The following SCEL variants were observed in gnomAD, a reference collection of about 807,000 sequenced individuals.
SCEL encodes sciellin.
Under a neutral mutation model 117.6 loss-of-function variants are expected in SCEL, and 113 were observed. That is an observed-to-expected ratio of 0.96 (90% CI 0.83 to 1.12). The LOEUF (loss-of-function observed/expected upper bound fraction) is 1.12. Among genes scored for constraint, SCEL ranks in the 50% most tolerant of loss-of-function variants. SCEL has a pLI of 0.00. For missense variants in SCEL, 785 were observed against 810.8 expected (o/e 0.97, Z 0.39); for synonymous variants, 270 against 256.2 (o/e 1.05, Z -0.51).
At chr13:77,623,910 G>T (rs113583452) in intron 27 of SCEL, among the ~76,000 whole-genome samples, 5 of 152,230 alleles carry the variant, frequency 3.3e-5, no homozygotes, top group African/African-American at 9.6e-5. Context: ...TGTTAGGGCT[G>T]CATAACAAAC....
chr13:77,566,385 G>T (rs2085290696), intron 5 of SCEL, among the ~76,000 whole-genome samples: 1 of 152,086 alleles, frequency 6.6e-6, no homozygotes, highest in Non-Finnish European at 1.5e-5. Flanking sequence ...CAAATGACCA[G>T]CAAGAAGTAC....
Position 77,589,135 on chromosome 13 carries a change from G to T in SCEL, c.546-9G>T. On this transcript the variant is annotated splice_polypyrimidine_tract_variant and intron_variant, in intron 9 of 32. Transcript: ENST00000349847. ...ATGGTGAAATGAACTGCTGTTTTCTGTTTTAAAGGGAACCAGGTGTTCACC... is the reference window on the plus strand; with the variant it reads ...ATGGTGAAATGAACTGCTGTTTTCTTTTTTAAAGGGAACCAGGTGTTCACC... 6.2e-7 allele frequency: 1 copy of T among 1,606,090 alleles called. No individual in the cohort carries two copies. Among genetic ancestry groups the T allele is most frequent in the Non-Finnish European group, 8.5e-7 (1 of 1,173,660 alleles).
At chr13:77,569,776 C>G (rs1304924358) in intron 8 of SCEL, among the ~76,000 whole-genome samples, 1 of 152,192 alleles carries the variant, frequency 6.6e-6, no homozygotes, top group Non-Finnish European at 1.5e-5. Context: ...CTGCCATGCT[C>G]CTGAAACCGG....
intron 27 of SCEL, 62 bp from the exon 28 acceptor site, chr13:77,627,885 G>A (rs1373003343): frequency 4.6e-6 from 3 of 658,194 alleles, no homozygotes; most frequent in Non-Finnish European, 7.3e-6. Flanking sequence ...AAATGTTTTA[G>A]CATTTTCTTA....
chr13:77,545,763 G>A (rs2083954437), intron 1 of SCEL, among the ~76,000 whole-genome samples: 1 of 152,262 alleles, frequency 6.6e-6, no homozygotes, highest in Non-Finnish European at 1.5e-5. Flanking sequence ...GGCTGGAAGA[G>A]GTTGTGTGAA....
intron 1 of SCEL, among the ~76,000 whole-genome samples, chr13:77,543,095 T>C (rs891676490): frequency 2.0e-5 from 3 of 149,166 alleles, no homozygotes; most frequent in African/African-American, 7.4e-5. Context: ...TTTTTTTTTT[T>C]TTTTTTGAGA....
chr13:77,619,967 G>T (rs564884519), intron 27 of SCEL, among the ~76,000 whole-genome samples: 1 of 152,170 alleles, frequency 6.6e-6, no homozygotes, highest in East Asian at 1.9e-4. Flanking sequence ...TATTAGAAGA[G>T]GCCAATTTGG....
chr13:77,604,149 C>A, intron 18 of SCEL: 1 of 364,828 alleles, frequency 2.7e-6, no homozygotes, highest in Non-Finnish European at 4.8e-6. Flanking sequence ...AACAAAAAAT[C>A]AGATTTATTA....
chr13:77,605,388 A>G (rs934021777), intron 19 of SCEL, among the ~76,000 whole-genome samples: 3 of 152,174 alleles, frequency 2.0e-5, no homozygotes, highest in Non-Finnish European at 4.4e-5. Context: ...CTTGCAACCC[A>G]TAGAAGGAGA....
At chr13:77,599,512 G>A (rs904680791) in intron 14 of SCEL, 124 bp downstream of exon 14, 1 of 892,680 alleles carries the variant, frequency 1.1e-6, no homozygotes, top group Non-Finnish European at 1.8e-6. Context: ...ATGGGGTAGT[G>A]CTCTCAGCAT....
intron 1 of SCEL, among the ~76,000 whole-genome samples, chr13:77,543,827 T>C (rs2083852555): frequency 6.6e-6 from 1 of 152,182 alleles, no homozygotes; most frequent in Non-Finnish European, 1.5e-5. Context: ...TCCTGTTGAC[T>C]CCTTTTTGTT....
At chr13:77,558,673 G>A (rs547303773) in intron 3 of SCEL, among the ~76,000 whole-genome samples, 5 of 151,916 alleles carry the variant, frequency 3.3e-5, no homozygotes, top group African/African-American at 7.2e-5. Context: ...AAAATTAGCC[G>A]GGCGTGTTGG....
intron 3 of SCEL, among the ~76,000 whole-genome samples, chr13:77,557,660 C>G (rs1197115190): frequency 6.6e-6 from 1 of 152,124 alleles, no homozygotes; most frequent in Non-Finnish European, 1.5e-5. Flanking sequence ...GCAATTTTAC[C>G]TCCAGCAGAC....
chr13:77,588,932 G>C (rs1248208579), intron 9 of SCEL, among the ~76,000 whole-genome samples: 1 of 152,130 alleles, frequency 6.6e-6, no homozygotes, highest in Non-Finnish European at 1.5e-5. Context: ...TCAAGAACCT[G>C]ATTAAATAAA....
rs770145655 is a variant in SCEL, at chr13:77,567,630, T to C, written c.291-50T>C. On this transcript the variant is annotated intron_variant, in intron 5 of 32. Coordinates refer to ENST00000349847, the MANE Select transcript of SCEL (RefSeq NM_144777.3). ...TAGCATGAAAATGGTCTGAAAGGAG[T>C]TTGATAATTTAAATATTTATCCAGA... 8.4e-6 allele frequency: 11 copies of C among 1,315,574 alleles called. No individual in the cohort carries two copies. The Admixed American group carries it at 1.4e-4, about 16-fold the overall frequency. The allele number at this position is 1,315,574 out of a possible 1,614,324, so 81.5% of individuals were successfully genotyped here. A position where few individuals can be genotyped will look rare whatever the true frequency, so the allele number is the denominator to read the frequency against.
intron 3 of SCEL, among the ~76,000 whole-genome samples, chr13:77,558,102 A>T (rs958637800): frequency 4.6e-5 from 7 of 152,236 alleles, no homozygotes; most frequent in African/African-American, 1.7e-4. Flanking sequence ...TGATAGTGTC[A>T]TGTGACATGT....
Position 77,591,492 on chromosome 13 carries a change from T to C in SCEL, c.692+32T>C, listed in dbSNP as rs934204465. The C allele has an allele frequency of 1.3e-5, 15 of 1,192,308 alleles. No individual in the cohort carries two copies. The Middle Eastern group carries it at 1.0e-3, about 79-fold the overall frequency. 73.9% of individuals were successfully genotyped at this position (1,192,308 alleles called of 1,614,324 possible). On this transcript the variant is annotated intron_variant, in intron 11 of 32. Transcript: ENST00000349847. The stretch of plus-strand genomic sequence containing the variant: ...TGATTTCTATTTATATCTATGTAAC[T>C]GTAGTAATGATAAAGTATGCTTTCT...
At chr13:77,552,305 C>T (rs1012808823) in intron 1 of SCEL, among the ~76,000 whole-genome samples, 9 of 150,698 alleles carry the variant, frequency 6.0e-5, no homozygotes, top group Non-Finnish European at 1.2e-4. Flanking sequence ...GTTTACAGTC[C>T]CACCAACAGT....
chr13:77,574,566 T>G (rs2085826464), intron 9 of SCEL, among the ~76,000 whole-genome samples: 1 of 152,220 alleles, frequency 6.6e-6, no homozygotes, highest in Non-Finnish European at 1.5e-5. Flanking sequence ...ATTTTTGAAG[T>G]GATTTTCTTT....
Sources: allele counts gnomAD v4.1 joint callset (sites outside exome capture counted in the v4.1 genomes callset), GRCh38; gene constraint gnomAD v4.1.1; transcripts MANE v1.5; gene names NCBI Gene and HGNC (gene_info 2026-07-23, HGNC 2026-07-21).